ALK: variants seen among roughly 807,000 people sequenced by gnomAD.
ALK encodes the protein ALK receptor tyrosine kinase, also known as ALK tyrosine kinase receptor.
ALK carries 74 observed loss-of-function variants against 163.1 expected under a neutral mutation model. That is an observed-to-expected ratio of 0.45 (90% CI 0.38 to 0.55). The LOEUF (loss-of-function observed/expected upper bound fraction) is 0.55. Among genes scored for constraint, ALK ranks in the 20% least tolerant of loss-of-function variants. The pLI is 0.00. For synonymous variants in ALK, 960 were observed against 843.2 expected, an observed-to-expected ratio of 1.14 and a Z score of -2.40; for missense variants, 2,063 against 2,105.3, an observed-to-expected ratio of 0.98 and a Z score of 0.39.
At chr2:29,286,784 C>T (rs1032950341) in intron 9 of ALK, 6 of 152,096 alleles carry the variant, frequency 3.9e-5, no homozygotes, top group African/African-American at 1.2e-4. Context: ...TGATTTCAGC[C>T]TTGAGTTATG....
chr2:29,275,697 C>T (rs975572076), intron 9 of ALK, among the ~76,000 whole-genome samples: 2 of 152,180 alleles, frequency 1.3e-5, no homozygotes, highest in Admixed American at 6.5e-5. Flanking sequence ...TCCGAACTAT[C>T]GCTCCGTACT....
At chr2:29,838,685 A>G (rs1665626724) in intron 1 of ALK, among the ~76,000 whole-genome samples, 1 of 152,212 alleles carries the variant, frequency 6.6e-6, no homozygotes. Context: ...CATCTGTGCC[A>G]TTTCACATAT....
intron 4 of ALK, among the ~76,000 whole-genome samples, chr2:29,409,317 C>T (rs1477545558): frequency 6.6e-6 from 1 of 152,114 alleles, no homozygotes; most frequent in Non-Finnish European, 1.5e-5. Flanking sequence ...TTTGACCTTC[C>T]TTTTTCTCCT....
At chr2:29,291,653 C>T (rs1483375675) in intron 9 of ALK, among the ~76,000 whole-genome samples, 1 of 152,212 alleles carries the variant, frequency 6.6e-6, no homozygotes, top group African/African-American at 2.4e-5. Flanking sequence ...CAAACGCTAG[C>T]TCTAATCATC....
chr2:29,302,556 T>C (rs1383959014), intron 8 of ALK, among the ~76,000 whole-genome samples: 1 of 152,174 alleles, frequency 6.6e-6, no homozygotes, highest in Non-Finnish European at 1.5e-5. Flanking sequence ...TTTCATCTTA[T>C]AATGATACCT....
At chr2:29,233,207 A>G (rs889741993) in intron 14 of ALK, among the ~76,000 whole-genome samples, 4 of 152,156 alleles carry the variant, frequency 2.6e-5, no homozygotes, top group Non-Finnish European at 5.9e-5. Flanking sequence ...CAATGGCGTG[A>G]TGACAGCTCA....
Position 29,333,174 on chromosome 2 carries a change from G to A in ALK, c.1283-4693C>T, listed in dbSNP as rs555621448. Among the ~76,000 whole-genome samples, 13 of 152,104 alleles carry A rather than the reference G, an allele frequency of 8.5e-5. No homozygotes were observed. In the East Asian group the frequency reaches 2.5e-3, roughly 29 times the overall value. On this transcript the variant is annotated intron_variant, in intron 5 of 28. Coordinates refer to ENST00000389048, the MANE Select transcript of ALK (RefSeq NM_004304.5). ...TCTGTGGCCTAGGCTGGAGTGCCGT[G>A]GTGCAATCTCAGCTCACGGCAACCT...
chr2:29,747,800 C>A (rs751072321), intron 1 of ALK, among the ~76,000 whole-genome samples: 2 of 152,184 alleles, frequency 1.3e-5, no homozygotes, highest in Non-Finnish European at 2.9e-5. Context: ...CTTTTGATGC[C>A]TAAAGTTCCT....
In ALK at chr2:29,389,273, T is replaced by C. The variant is rs116819025; in HGVS notation, c.1155-5414A>G. ...AGGTGAGTGAGAGGTGTAGGCACCA[T>C]ATGCTATTAAAGCCGAGGCCAAAGT... On this transcript the variant is annotated intron_variant, in intron 4 of 28. Coordinates refer to ENST00000389048, the MANE Select transcript of ALK (RefSeq NM_004304.5). 2.8e-3 allele frequency among the ~76,000 whole-genome samples: 420 copies of C among 152,300 alleles called. 1 individual carries two copies. The highest frequency in any genetic ancestry group is 7.8e-3 in the African/African-American group (322 of 41,546).
intron 1 of ALK, among the ~76,000 whole-genome samples, chr2:29,751,033 G>A (rs1000728360): frequency 1.3e-5 from 2 of 152,100 alleles, no homozygotes; most frequent in Non-Finnish European, 2.9e-5. Context: ...CTGAGCCACT[G>A]CACCCCAGCC....
intron 1 of ALK, among the ~76,000 whole-genome samples, chr2:29,835,435 T>C (rs1665533865): frequency 6.6e-6 from 1 of 152,212 alleles, no homozygotes; most frequent in Non-Finnish European, 1.5e-5. Flanking sequence ...CTTCCCATTG[T>C]ACAGAACTGA....
At chr2:29,689,208 T>C (rs1678323115) in intron 3 of ALK, among the ~76,000 whole-genome samples, 1 of 152,174 alleles carries the variant, frequency 6.6e-6, no homozygotes, top group Non-Finnish European at 1.5e-5. Flanking sequence ...GTTTCACTGA[T>C]GAAGGAGGAA....
intron 1 of ALK, among the ~76,000 whole-genome samples, chr2:29,865,582 A>G (rs1414286525): frequency 6.6e-6 from 1 of 152,102 alleles, no homozygotes; most frequent in South Asian, 2.1e-4. Flanking sequence ...CCTGCCCCCA[A>G]AGTCTAGGGT....
chr2:29,222,753 A>G (rs1669842161), intron 20 of ALK, 146 bp from the exon 21 acceptor site: 2 of 690,074 alleles, frequency 2.9e-6, no homozygotes, highest in South Asian at 1.8e-5. Flanking sequence ...TACCCTCAAC[A>G]TGGCTTTGCT....
intron 3 of ALK, among the ~76,000 whole-genome samples, chr2:29,684,816 A>G (rs2148281741): frequency 6.6e-6 from 1 of 152,312 alleles, no homozygotes; most frequent in Non-Finnish European, 1.5e-5. Flanking sequence ...AGAACATAAG[A>G]CTGGGTGTTC....
chr2:29,264,072 G>A (rs987453413), intron 11 of ALK, among the ~76,000 whole-genome samples: 1 of 152,318 alleles, frequency 6.6e-6, no homozygotes, highest in East Asian at 1.9e-4. Flanking sequence ...CTTCAGAGTT[G>A]ACTGCACGTG....
intron 4 of ALK, among the ~76,000 whole-genome samples, chr2:29,475,276 G>C (rs766976018): frequency 6.6e-5 from 10 of 152,168 alleles, no homozygotes; most frequent in Non-Finnish European, 1.2e-4. Context: ...GGGAGCTCAA[G>C]GGGGCAGCAA....
At chr2:29,390,626 G>GA (rs1382585595) in intron 4 of ALK, among the ~76,000 whole-genome samples, 8 of 151,138 alleles carry the variant, frequency 5.3e-5, no homozygotes, top group East Asian at 3.9e-4. Flanking sequence ...ATCCTACAGG[G>GA]AAAAAAAACA....
chr2:29,624,757 TA>T (rs1458934634), intron 3 of ALK, among the ~76,000 whole-genome samples: 2 of 152,130 alleles, frequency 1.3e-5, no homozygotes, highest in Non-Finnish European at 2.9e-5. Flanking sequence ...AAATAAAAGT[TA>T]AAGTGAAAAC....
Sources: gnomAD v4.1 joint callset for allele counts (sites outside exome capture counted in the v4.1 genomes callset) on GRCh38, gnomAD v4.1.1 for gene constraint, MANE v1.5 for transcripts, NCBI Gene and HGNC (gene_info 2026-07-23, HGNC 2026-07-21) for gene names.